Variants in CADPS observed in about 807,000 individuals in gnomAD.
The protein encoded by CADPS is calcium dependent secretion activator.
Under a neutral mutation model 167.3 loss-of-function variants are expected in CADPS, and 57 were observed. The ratio of observed to expected loss-of-function variants is 0.34; its 90% confidence interval spans 0.28 to 0.42. The LOEUF (loss-of-function observed/expected upper bound fraction) is 0.42. Ranked by LOEUF, CADPS falls within the 20% of genes least tolerant of loss-of-function variation. The pLI, the probability that CADPS is intolerant of heterozygous loss-of-function variation, is 1.00. For synonymous variants in CADPS, 676 were observed against 635.3 expected, an observed-to-expected ratio of 1.06 and a Z score of -0.96; for missense variants, 1,414 against 1,738.1, an observed-to-expected ratio of 0.81 and a Z score of 3.32.
chr3:62,815,744 CAT>C (rs1006453372), intron 1 of CADPS, among the ~76,000 whole-genome samples: 11 of 152,016 alleles, frequency 7.2e-5, no homozygotes, highest in African/African-American at 2.7e-4. Context: ...AAGTAAAAGG[CAT>C]GTTTTTCTCT....
At chr3:62,575,445 A>C (rs1312483835) in intron 8 of CADPS, among the ~76,000 whole-genome samples, 1 of 152,224 alleles carries the variant, frequency 6.6e-6, no homozygotes, top group African/African-American at 2.4e-5. Context: ...TCATCTTTAC[A>C]ATGGGGATAA....
chr3:62,462,304 C>T (rs990538849), intron 26 of CADPS, among the ~76,000 whole-genome samples: 4 of 152,370 alleles, frequency 2.6e-5, no homozygotes, highest in South Asian at 2.1e-4. Context: ...GGGCGCCTCT[C>T]GGGCTGGCAC....
chr3:62,710,327 G>C (rs13075483), intron 3 of CADPS, among the ~76,000 whole-genome samples: 25,164 of 151,420 alleles, frequency 0.17, 2,213 homozygotes, highest in South Asian at 0.25. Context: ...CTGGGCCCTG[G>C]CCCAGACAAT....
chr3:62,503,488 A>G (rs1435859680), intron 17 of CADPS, among the ~76,000 whole-genome samples: 1 of 152,252 alleles, frequency 6.6e-6, no homozygotes, highest in Non-Finnish European at 1.5e-5. Flanking sequence ...GAAGGCTGCA[A>G]TTAATTGCTT....
chr3:62,875,180 C>G lies in CADPS; in HGVS notation c.-151G>C. The G allele has an allele frequency of 9.5e-7, 1 of 1,054,148 alleles. No homozygotes were observed. The highest frequency in any genetic ancestry group is 1.2e-6 in the Non-Finnish European group (1 of 819,630). The allele number at this position is 1,054,148 out of a possible 1,614,324, so 65.3% of individuals were successfully genotyped here. Reference sequence around the variant, plus strand: ...CGCTGCTGCTCAGCCTCGGCCGCCGCGACTGATCCTCTGCCCGGCGGTCGC... The same window carrying G: ...CGCTGCTGCTCAGCCTCGGCCGCCGGGACTGATCCTCTGCCCGGCGGTCGC... On this transcript the variant is annotated 5_prime_UTR_variant, in exon 1 of 30. Coordinates refer to ENST00000383710, the MANE Select transcript of CADPS (RefSeq NM_003716.4).
At chr3:62,413,404 AAATGGGGTATATACATAC>A (rs1302027399) in intron 28 of CADPS, among the ~76,000 whole-genome samples, 1 of 152,224 alleles carries the variant, frequency 6.6e-6, no homozygotes, top group Non-Finnish European at 1.5e-5. Context: ...TGGGTAAACA[AAATGGGGTATATACATAC>A]AATGGAATAT....
At chr3:62,431,463 A>G (rs2149615305) in intron 28 of CADPS, among the ~76,000 whole-genome samples, 1 of 152,166 alleles carries the variant, frequency 6.6e-6, no homozygotes, top group East Asian at 1.9e-4. Context: ...GCTTAAATAA[A>G]AAACCCCGGT....
intron 9 of CADPS, among the ~76,000 whole-genome samples, chr3:62,563,920 C>T (rs1397470446): frequency 6.6e-6 from 1 of 152,144 alleles, no homozygotes; most frequent in African/African-American, 2.4e-5. Context: ...ATATAACATT[C>T]TGTATGCATC....
At chr3:62,720,233 CAT>C (rs957946432) in intron 3 of CADPS, among the ~76,000 whole-genome samples, 103 of 152,110 alleles carry the variant, frequency 6.8e-4, no homozygotes, top group African/African-American at 2.2e-3. Flanking sequence ...GAAAAGTTAA[CAT>C]GTGTCAGACA....
intron 1 of CADPS, among the ~76,000 whole-genome samples, chr3:62,803,982 G>C (rs914021991): frequency 1.3e-5 from 2 of 151,954 alleles, no homozygotes; most frequent in African/African-American, 2.4e-5. Context: ...GCCTTCTAAT[G>C]TCACTGGAAA....
intron 1 of CADPS, among the ~76,000 whole-genome samples, chr3:62,860,824 G>C (rs112387001): frequency 6.6e-6 from 1 of 152,170 alleles, no homozygotes; most frequent in African/African-American, 2.4e-5. Flanking sequence ...TAACTTTTCT[G>C]TAATCTTACC....
In CADPS at chr3:62,433,094, C is replaced by A. The variant is rs1169170144; in HGVS notation, c.3777+5010G>T. ...CTTGTAGCCTATTATTTGGTACTTT[C>A]ATCCTCCAGCAGGATGATTCCTACT... is the stretch of plus-strand genomic sequence containing the variant. On this transcript the variant is annotated intron_variant, in intron 28 of 29. Coordinates refer to ENST00000383710, the MANE Select transcript of CADPS (RefSeq NM_003716.4). This position sits in a 1 kb window ranked among gnomAD's most constrained non-coding sequence, Gnocchi z 4.7. Among the ~76,000 whole-genome samples the A allele has an allele frequency of 6.6e-6, 1 of 152,154 alleles. No individual in the cohort carries two copies. Among genetic ancestry groups the A allele is most frequent in the Non-Finnish European group, 1.5e-5 (1 of 68,024 alleles).
intron 6 of CADPS, among the ~76,000 whole-genome samples, chr3:62,627,608 T>A (rs976126207): frequency 6.7e-6 from 1 of 149,348 alleles, no homozygotes; most frequent in East Asian, 2.0e-4. Context: ...CACTATTTGA[T>A]GCTTTTCTTT....
rs1018133027 is a variant in CADPS at position 62,875,083 on chromosome 3, T to C, written c.-54A>G. The C allele has an allele frequency of 1.1e-5, 16 of 1,506,574 alleles. No individual in the cohort carries two copies. In the African/African-American group the frequency reaches 2.2e-4, roughly 21 times the overall value. 93.3% of individuals were successfully genotyped at this position (1,506,574 alleles called of 1,614,324 possible). On this transcript the variant is annotated 5_prime_UTR_variant, in exon 1 of 30. Coordinates refer to ENST00000383710, the MANE Select transcript of CADPS (RefSeq NM_003716.4). ...AGCCCCCGGCTTGGAGTGCAAAAGG[T>C]GGGGGGCGCTGGAGGCAGCCGGGGA... is the stretch of plus-strand genomic sequence containing the variant.
At chr3:62,846,140 G>C (rs892946636) in intron 1 of CADPS, among the ~76,000 whole-genome samples, 2 of 151,772 alleles carry the variant, frequency 1.3e-5, no homozygotes, top group Non-Finnish European at 2.9e-5. Context: ...ATGATTGTAA[G>C]TTTCCTGCAG....
At chr3:62,818,389 C>T (rs138972748) in intron 1 of CADPS, among the ~76,000 whole-genome samples, 35 of 152,216 alleles carry the variant, frequency 2.3e-4, no homozygotes, top group African/African-American at 7.5e-4. Context: ...AAAGACTTGA[C>T]CAGACACCTC....
intron 1 of CADPS, among the ~76,000 whole-genome samples, chr3:62,808,820 G>A (rs892192051): frequency 2.0e-5 from 3 of 152,070 alleles, no homozygotes. Flanking sequence ...AATGCTTAAC[G>A]GATGCCTCTA....
chr3:62,808,014 C>T (rs542751117), intron 1 of CADPS, among the ~76,000 whole-genome samples: 10 of 152,150 alleles, frequency 6.6e-5, no homozygotes, highest in South Asian at 2.1e-4. Flanking sequence ...GCTGGGACTA[C>T]GGGCGCACAT....
At chr3:62,428,788 T>C (rs374378903) in intron 28 of CADPS, among the ~76,000 whole-genome samples, 7 of 152,168 alleles carry the variant, frequency 4.6e-5, no homozygotes, top group African/African-American at 1.4e-4. Context: ...ATGGGGATGA[T>C]TTTGCCCCCC....
Sources: gnomAD v4.1 joint callset for allele counts (sites outside exome capture counted in the v4.1 genomes callset) on GRCh38, gnomAD v4.1.1 for gene constraint, Gnocchi (gnomAD v3.1) non-coding constraint, MANE v1.5 for transcripts, NCBI Gene and HGNC (gene_info 2026-07-23, HGNC 2026-07-21) for gene names.